CIB2: variants seen among roughly 807,000 people sequenced by gnomAD.
CIB2 encodes calcium and integrin binding family member 2, also known as calcium and integrin-binding family member 2.
A neutral mutation model predicts 23.1 loss-of-function variants in CIB2; 19 were observed. The observed-to-expected ratio is 0.82, with a 90% CI of 0.57 to 1.21. The LOEUF is 1.21. Among genes scored for constraint, CIB2 ranks in the 50% most tolerant of loss-of-function variants. CIB2 has a pLI of 0.00. For missense variants in CIB2, 220 were observed against 241.5 expected (o/e 0.91, Z 0.59); for synonymous variants, 94 against 91.7 (o/e 1.03, Z -0.14).
chr15:78,105,568 C>T (rs925966835), intron 5 of CIB2, 171 bp downstream of exon 5: 3 of 1,487,162 alleles, frequency 2.0e-6, no homozygotes, highest in Admixed American at 2.2e-5. Context: ...CTTCCCCCTG[C>T]AGGGGACAAA....
At chr15:78,110,770 A>G (rs1015755412) in intron 3 of CIB2, 12 of 458,134 alleles carry the variant, frequency 2.6e-5, no homozygotes, top group Non-Finnish European at 3.9e-5. Flanking sequence ...CAGGTACGTT[A>G]AAGTCTGAGA....
intron 2 of CIB2, among the ~76,000 whole-genome samples, chr15:78,114,971 AT>A (rs1436639386): frequency 6.6e-6 from 1 of 152,114 alleles, no homozygotes. Context: ...TAAAAGAATA[AT>A]ATGTTAGGAT....
rs2074120984 is a variant in CIB2 at position 78,109,375 on chromosome 15, G to A, written c.206C>T (p.Pro69Leu). The A allele has an allele frequency of 1.9e-6, 3 of 1,613,898 alleles. No individual in the cohort carries two copies. Among genetic ancestry groups the A allele is most frequent in the Admixed American group, 1.7e-5 (1 of 59,992 alleles). ...CGCCGCCACGATCCTTTCTTTGAAGGGATTCTCCTGAAGAAAACACACACA... is the reference window on the plus strand; with the variant it reads ...CGCCGCCACGATCCTTTCTTTGAAGAGATTCTCCTGAAGAAAACACACACA... ...IIQMPELREN[P>L]FKERIVAAFS... The change falls in exon 4 of 6, where the codon CCC becomes CTC. Residue 69 changes from proline (P) to leucine (L), a missense_variant. Pro to Leu is a moderately conservative substitution (Grantham distance 98). Transcript: ENST00000258930.
chr15:78,127,563 G>C (rs1178963529), intron 1 of CIB2, among the ~76,000 whole-genome samples: 1 of 152,180 alleles, frequency 6.6e-6, no homozygotes, highest in Non-Finnish European at 1.5e-5. Flanking sequence ...TCCCCAACTG[G>C]AGTGCCCTCT....
In CIB2 at chr15:78,131,120, C is replaced by A; in HGVS notation, c.51+45G>T. The A allele has an allele frequency of 7.2e-7, 1 of 1,398,302 alleles. No homozygotes were observed. Among genetic ancestry groups the A allele is most frequent in the Non-Finnish European group, 9.5e-7 (1 of 1,051,564 alleles). 86.6% of individuals were successfully genotyped at this position (1,398,302 alleles called of 1,614,324 possible). ...AGCGACCGAGAAAAGGGAGGGGCGG[C>A]GGGGCGGCGGGGCCTGTGTTGGGGG... is the stretch of plus-strand genomic sequence containing the variant. On this transcript the variant is annotated intron_variant, in intron 1 of 5. Coordinates refer to ENST00000258930, the MANE Select transcript of CIB2 (RefSeq NM_006383.4). The surrounding 1 kb of genome is among the most constrained non-coding windows in gnomAD (Gnocchi z 5.8).
At chr15:78,113,241 C>T (rs1446943244) in intron 2 of CIB2, among the ~76,000 whole-genome samples, 1 of 152,156 alleles carries the variant, frequency 6.6e-6, no homozygotes, top group Non-Finnish European at 1.5e-5. Context: ...ATGCCACATG[C>T]CCACTTTGCC....
intron 3 of CIB2, among the ~76,000 whole-genome samples, 159 bp downstream of exon 3, chr15:78,111,006 A>C (rs1461875098): frequency 2.0e-5 from 3 of 152,200 alleles, no homozygotes; most frequent in Non-Finnish European, 4.4e-5. Context: ...ATTTATTCAG[A>C]GTACAGATGA....
chr15:78,117,181 C>T (rs2074251500), intron 2 of CIB2, among the ~76,000 whole-genome samples: 1 of 136,564 alleles, frequency 7.3e-6, no homozygotes, highest in Non-Finnish European at 1.5e-5. Context: ...TGCAAATGAT[C>T]TATTTGGGAT....
intron 1 of CIB2, among the ~76,000 whole-genome samples, chr15:78,126,820 G>A (rs2074387396): frequency 6.6e-6 from 1 of 152,230 alleles, no homozygotes. Flanking sequence ...ATCAACTGAT[G>A]TTTCACTTTT....
chr15:78,117,246 CAAAA>C lies in CIB2; in HGVS notation c.87-5974_87-5971del, dbSNP rs60332437. Among the ~76,000 whole-genome samples the C allele has an allele frequency of 6.5e-3, 359 of 55,396 alleles. 4 individuals are homozygous for C. The East Asian group carries it at 0.084, about 13-fold the overall frequency. The allele number at this position is 55,396 out of a possible 152,430, so 36.3% of individuals were successfully genotyped here. ...GTTAAGTGTTTCTTCAAGCTACTGG[CAAAA>C]AAAAAAAAAAAAAAAAAAAAAAAAA... On this transcript the variant is annotated intron_variant, in intron 2 of 5. Coordinates refer to ENST00000258930, the MANE Select transcript of CIB2 (RefSeq NM_006383.4).
intron 4 of CIB2, among the ~76,000 whole-genome samples, chr15:78,108,827 GC>G (rs550507144): frequency 6.6e-6 from 1 of 152,068 alleles, no homozygotes; most frequent in Non-Finnish European, 1.5e-5. Context: ...GACTCATACC[GC>G]CCCCTGTCCC....
At chr15:78,108,614 G>A (rs994876435) in intron 4 of CIB2, among the ~76,000 whole-genome samples, 1 of 152,108 alleles carries the variant, frequency 6.6e-6, no homozygotes, top group Non-Finnish European at 1.5e-5. Context: ...GGCTCCAGAG[G>A]CCCCCCTGCA....
intron 4 of CIB2, among the ~76,000 whole-genome samples, chr15:78,107,389 G>C (rs573985787): frequency 1.3e-5 from 2 of 152,170 alleles, no homozygotes; most frequent in Non-Finnish European, 2.9e-5. Flanking sequence ...TATGCGTCAG[G>C]GAGTATTCAT....
At chr15:78,127,214 T>A (rs1183241432) in intron 1 of CIB2, among the ~76,000 whole-genome samples, 2 of 152,070 alleles carry the variant, frequency 1.3e-5, no homozygotes, top group Middle Eastern at 3.4e-3. Context: ...TTCTCTGGAG[T>A]CACCAAACAC....
At chr15:78,111,056 G>A in intron 3 of CIB2, 109 bp downstream of exon 3, 1 of 893,898 alleles carries the variant, frequency 1.1e-6, no homozygotes. Context: ...TCTGCTCAGA[G>A]CCACGCAGAC....
At chr15:78,112,153 T>TC (rs2074169758) in intron 2 of CIB2, among the ~76,000 whole-genome samples, 1 of 152,120 alleles carries the variant, frequency 6.6e-6, no homozygotes, top group Non-Finnish European at 1.5e-5. Context: ...ACTTGGAAGC[T>TC]CCCTTCCTCC....
Position 78,105,278 on chromosome 15 carries a change from G to A in CIB2, c.*33C>T, listed in dbSNP as rs2074048128. ...CATGTGACTGCAGGGCAGGATGGTG[G>A]ACTTCTAGGCCCCTACAGCCTCGGC... On this transcript the variant is annotated 3_prime_UTR_variant, in exon 6 of 6. Transcript: ENST00000258930. 3.7e-6 allele frequency: 6 copies of A among 1,613,578 alleles called. No homozygotes were observed. In the East Asian group the frequency reaches 1.3e-4, roughly 36 times the overall value.
chr15:78,108,152 C>T (rs935667843), intron 4 of CIB2, among the ~76,000 whole-genome samples: 2 of 146,054 alleles, frequency 1.4e-5, no homozygotes, highest in African/African-American at 2.6e-5. Context: ...TGCAGTGAGC[C>T]GAGATCACAC....
At chr15:78,118,693 T>C (rs1444025133) in intron 2 of CIB2, among the ~76,000 whole-genome samples, 1 of 152,064 alleles carries the variant, frequency 6.6e-6, no homozygotes, top group African/African-American at 2.4e-5. Context: ...AAGTGTACCA[T>C]CTTAACCATT....
Sources: allele counts gnomAD v4.1 joint callset (sites outside exome capture counted in the v4.1 genomes callset), GRCh38; gene constraint gnomAD v4.1.1; non-coding constraint Gnocchi (gnomAD v3.1); transcripts MANE v1.5; gene names NCBI Gene and HGNC (gene_info 2026-07-23, HGNC 2026-07-21).